Variants in HTR2A observed in about 807,000 individuals in gnomAD.
HTR2A encodes 5-HT2 receptor.
In HTR2A, 14 loss-of-function variants were observed where a neutral mutation model predicts 31.0. That is an observed-to-expected ratio of 0.45 (90% CI 0.30 to 0.71). The LOEUF (loss-of-function observed/expected upper bound fraction) is 0.71, where lower values mean the gene tolerates loss of function less well. Ranked by LOEUF, HTR2A falls within the 30% of genes least tolerant of loss-of-function variation. The pLI is 0.09. For synonymous variants in HTR2A, 209 were observed against 225.2 expected (o/e 0.93, Z 0.64); for missense variants, 442 against 573.3 (o/e 0.77, Z 2.34).
intron 2 of HTR2A, among the ~76,000 whole-genome samples, chr13:46,894,056 G>A (rs961499034): frequency 2.0e-5 from 3 of 152,258 alleles, no homozygotes; most frequent in Admixed American, 2.0e-4. Flanking sequence ...GCCCTCGGAG[G>A]GGTTTCTCTG....
Position 46,835,464 on chromosome 13 carries a change from T to C in HTR2A, c.789A>G (p.Lys263=). ...GATCACTTACACACAAAGTAGCTTC[T>C]TTCTGGAGTGACTTGATAGTTAGAA... ...TYFLTIKSLQ[K]EATLCVSDLG... Residue 263 remains lysine, a synonymous_variant, in exon 4 of 4, where the codon AAA becomes AAG. Coordinates refer to ENST00000542664, the MANE Select transcript of HTR2A (RefSeq NM_000621.5). 1.2e-6 allele frequency: 2 copies of C among 1,614,136 alleles called. No individual in the cohort carries two copies. Among genetic ancestry groups the C allele is most frequent in the Middle Eastern group, 1.6e-4 (1 of 6,062 alleles).
At chr13:46,867,133 A>T (rs1950824070) in intron 3 of HTR2A, among the ~76,000 whole-genome samples, 1 of 152,214 alleles carries the variant, frequency 6.6e-6, no homozygotes. Context: ...CTCACTGAGA[A>T]ATAGACATTT....
chr13:46,850,305 T>C (rs1204294256), intron 3 of HTR2A, among the ~76,000 whole-genome samples: 5 of 152,234 alleles, frequency 3.3e-5, no homozygotes, highest in Non-Finnish European at 7.3e-5. Flanking sequence ...CTTACTGTGC[T>C]CCAGGCACTA....
At chr13:46,869,960 T>C (rs1205550540) in intron 3 of HTR2A, among the ~76,000 whole-genome samples, 1 of 152,026 alleles carries the variant, frequency 6.6e-6, no homozygotes, top group African/African-American at 2.4e-5. Context: ...GCGAAAAAAT[T>C]TGGAAATAGA....
intron 2 of HTR2A, among the ~76,000 whole-genome samples, chr13:46,894,319 T>C (rs1413847572): frequency 6.6e-6 from 1 of 152,162 alleles, no homozygotes; most frequent in Non-Finnish European, 1.5e-5. Flanking sequence ...TCCCGCTCTG[T>C]CACTCCTCCT....
At chr13:46,878,454 G>C (rs1279808048) in intron 3 of HTR2A, among the ~76,000 whole-genome samples, 2 of 152,158 alleles carry the variant, frequency 1.3e-5, no homozygotes, top group African/African-American at 4.8e-5. Context: ...CAGGGTACTT[G>C]GATGCCGGGG....
intron 3 of HTR2A, among the ~76,000 whole-genome samples, chr13:46,872,158 A>C (rs1950867212): frequency 6.6e-6 from 1 of 152,240 alleles, no homozygotes. Context: ...AGAAAATTAT[A>C]AGAATCAAAG....
At chr13:46,836,650 C>A (rs527748819) in intron 3 of HTR2A, among the ~76,000 whole-genome samples, 1 of 152,276 alleles carries the variant, frequency 6.6e-6, no homozygotes, top group East Asian at 1.9e-4. Flanking sequence ...CGTCACCCAG[C>A]TTCAAAGATT....
At chr13:46,868,685 C>G (rs1184727352) in intron 3 of HTR2A, among the ~76,000 whole-genome samples, 1 of 152,052 alleles carries the variant, frequency 6.6e-6, no homozygotes, top group African/African-American at 2.4e-5. Context: ...ATTATTTGTC[C>G]TTGGGCAATT....
At chr13:46,886,588 A>T (rs1310767581) in intron 3 of HTR2A, among the ~76,000 whole-genome samples, 2 of 152,196 alleles carry the variant, frequency 1.3e-5, no homozygotes, top group Non-Finnish European at 2.9e-5. Flanking sequence ...AACAAAAAAG[A>T]TAGAGTAATA....
intron 3 of HTR2A, among the ~76,000 whole-genome samples, chr13:46,861,361 A>C (rs1378752971): frequency 6.6e-6 from 1 of 152,166 alleles, no homozygotes; most frequent in African/African-American, 2.4e-5. Context: ...TAAACATTTT[A>C]CTTCCCTTAT....
At position 46,892,688 on chromosome 13, in the gene HTR2A, G is replaced by T; in HGVS notation, c.413-98C>A. ...AATTTCCAGCTCTGGGACAGGCACAGGTGGTGGCAAAGGGCAACACAATAT... is the reference window on the plus strand; with the variant it reads ...AATTTCCAGCTCTGGGACAGGCACATGTGGTGGCAAAGGGCAACACAATAT... On this transcript the variant is annotated intron_variant, in intron 2 of 3. Transcript: ENST00000542664. The T allele has an allele frequency of 2.0e-5, 20 of 981,460 alleles. No individual in the cohort carries two copies. The South Asian group carries it at 2.6e-4, about 13-fold the overall frequency. 60.8% of individuals were successfully genotyped at this position (981,460 alleles called of 1,614,324 possible). A position where few individuals can be genotyped will look rare whatever the true frequency, so the allele number is the denominator to read the frequency against.
At chr13:46,892,704 AAC>A in intron 2 of HTR2A, 114 bp from the exon 3 acceptor site, 2 of 769,266 alleles carry the variant, frequency 2.6e-6, no homozygotes, top group Non-Finnish European at 4.4e-6. Context: ...GGCAAAGGGC[AAC>A]ACAATATATT....
chr13:46,860,386 C>G (rs1325708161), intron 3 of HTR2A, among the ~76,000 whole-genome samples: 3 of 152,148 alleles, frequency 2.0e-5, no homozygotes, highest in Non-Finnish European at 2.9e-5. Flanking sequence ...ACCATAGCCT[C>G]AGATAGGGTA....
At chr13:46,871,800 C>A (rs752434308) in intron 3 of HTR2A, among the ~76,000 whole-genome samples, 2 of 152,124 alleles carry the variant, frequency 1.3e-5, no homozygotes, top group African/African-American at 4.8e-5. Flanking sequence ...GCCAACAGAA[C>A]AAAAGCATCT....
At position 46,835,509 on chromosome 13, in the gene HTR2A, G is replaced by A. The variant is rs758390994; in HGVS notation, c.744C>T (p.Thr248=). 19 of 1,613,908 alleles carry A rather than the reference G, an allele frequency of 1.2e-5. No homozygotes were observed. The East Asian group carries it at 2.9e-4, about 25-fold the overall frequency. Residue 248 remains threonine (T), a synonymous_variant, in exon 4 of 4, where the codon ACC becomes ACT. Coordinates refer to ENST00000542664, the MANE Select transcript of HTR2A (RefSeq NM_000621.5). ...TTAGAAAGTAGGTGATCACCATGAT[G>A]GTTAAGGGAATGAAAAATGACACAA... ...GSFVSFFIPL[T]IMVITYFLTI...
Position 46,833,765 on chromosome 13 carries a change from T to C in HTR2A, c.*1072A>G, listed in dbSNP as rs1339388877. On this transcript the variant is annotated 3_prime_UTR_variant, in exon 4 of 4. Transcript: ENST00000542664. ...ACATAAATGTACACTCAATAGATGA[T>C]TGTGGAACCAAGCAGAATGGTTTTA... is the stretch of plus-strand genomic sequence containing the variant. 2 of 152,196 alleles carry C rather than the reference T, an allele frequency of 1.3e-5. No homozygotes were observed. The highest frequency in any genetic ancestry group is 4.8e-5 in the African/African-American group (2 of 41,444). The allele number at this position is 152,196 out of a possible 1,614,324, so 9.4% of individuals were successfully genotyped here. A position where few individuals can be genotyped will look rare whatever the true frequency, so the allele number is the denominator to read the frequency against.
intron 2 of HTR2A, among the ~76,000 whole-genome samples, chr13:46,894,906 C>T (rs912154401): frequency 2.0e-5 from 3 of 152,210 alleles, no homozygotes; most frequent in African/African-American, 7.2e-5. Context: ...AAATTAGCTT[C>T]TCTGGGCAGG....
chr13:46,891,311 G>A (rs1423458158), intron 3 of HTR2A, among the ~76,000 whole-genome samples: 2 of 152,162 alleles, frequency 1.3e-5, no homozygotes, highest in Non-Finnish European at 2.9e-5. Context: ...TAAAATCCTT[G>A]TTGTGCTACT....
Sources: gnomAD v4.1 joint callset for allele counts (sites outside exome capture counted in the v4.1 genomes callset) on GRCh38, gnomAD v4.1.1 for gene constraint, MANE v1.5 for transcripts, NCBI Gene and HGNC (gene_info 2026-07-23, HGNC 2026-07-21) for gene names.